The following WNK2 variants were observed in gnomAD, a reference collection of about 807,000 sequenced individuals.
WNK2 encodes the protein WNK lysine deficient protein kinase 2.
WNK2 carries 67 observed loss-of-function variants against 192.1 expected under a neutral mutation model. The ratio of observed to expected loss-of-function variants is 0.35; its 90% CI spans 0.29 to 0.43. WNK2 has a LOEUF of 0.43. Ranked by LOEUF, WNK2 falls within the 20% of genes least tolerant of loss-of-function variation. The probability of loss-of-function intolerance (pLI) is 1.00; values close to 1 mark genes in which losing one functional copy is unlikely to be tolerated. For missense variants in WNK2, 2,698 were observed against 3,089.7 expected (o/e 0.87, Z 3.01); for synonymous variants, 1,439 against 1,393.9 (o/e 1.03, Z -0.72).
chr9:93,285,159 TTTCC>T (rs1346481291), intron 19 of WNK2, among the ~76,000 whole-genome samples: 1 of 152,274 alleles, frequency 6.6e-6, no homozygotes, highest in Non-Finnish European at 1.5e-5. Flanking sequence ...ATAGCAGTTA[TTTCC>T]AAGGAATACA....
At chr9:93,265,807 C>G (rs1245728183) in intron 16 of WNK2, among the ~76,000 whole-genome samples, 1 of 152,236 alleles carries the variant, frequency 6.6e-6, no homozygotes, top group East Asian at 1.9e-4. Flanking sequence ...TGTGTCGTGT[C>G]CACTGGCCCC....
intron 8 of WNK2, among the ~76,000 whole-genome samples, chr9:93,250,760 G>A (rs1379130580): frequency 6.7e-6 from 1 of 149,446 alleles, no homozygotes. Flanking sequence ...ATGTTTAATT[G>A]TGTAATTAAT....
In WNK2 at chr9:93,211,240, AT is replaced by A; in HGVS notation, c.682-18454del. On this transcript the variant is annotated intron_variant, in intron 2 of 29. Transcript: ENST00000427277. ...CACTCATCCACTCACTCACTCACTCATTCACTCACTCACTCATTCACTCATT... is the reference window on the plus strand; with the variant it reads ...CACTCATCCACTCACTCACTCACTCATCACTCACTCACTCATTCACTCATT... 2.6e-5 allele frequency among the ~76,000 whole-genome samples: 2 copies of A among 76,894 alleles called. 1 individual carries two copies. Among genetic ancestry groups the A allele is most frequent in the East Asian group, 6.8e-4 (2 of 2,940 alleles). The allele number at this position is 76,894 out of a possible 152,430, so 50.4% of individuals were successfully genotyped here. A position where few individuals can be genotyped will look rare whatever the true frequency, so the allele number is the denominator to read the frequency against.
At position 93,185,247 on chromosome 9, in the gene WNK2, A is replaced by G. The variant is rs1011521381; in HGVS notation, c.318A>G (p.Gly106=). The change falls in exon 2 of 30, where the codon GGA becomes GGG. Residue 106 remains glycine, a synonymous_variant. Transcript: ENST00000427277. ...PAPAALVAQP[G]APGAPADAGP... is the part of the protein sequence containing the mutation. ...CCGCAGCGCTGGTAGCGCAGCCGGG[A>G]GCCCCCGGAGCCCCCGCGGACGCCG... 59 of 1,229,864 alleles carry G rather than the reference A, an allele frequency of 4.8e-5. No individual in the cohort carries two copies. The African/African-American group carries it at 7.3e-4, about 15-fold the overall frequency. The allele number at this position is 1,229,864 out of a possible 1,614,324, so 76.2% of individuals were successfully genotyped here. A position where few individuals can be genotyped will look rare whatever the true frequency, so the allele number is the denominator to read the frequency against.
chr9:93,266,735 G>C (rs575797588), intron 16 of WNK2, among the ~76,000 whole-genome samples: 1 of 152,342 alleles, frequency 6.6e-6, no homozygotes, highest in East Asian at 1.9e-4. Flanking sequence ...TGGGGTGCCA[G>C]GGGAGTGTGG....
chr9:93,243,197 G>A (rs1841074660), intron 7 of WNK2, among the ~76,000 whole-genome samples: 1 of 152,148 alleles, frequency 6.6e-6, no homozygotes, highest in Non-Finnish European at 1.5e-5. Context: ...CCCAGAACCT[G>A]CCCTGGGCCT....
intron 8 of WNK2, among the ~76,000 whole-genome samples, chr9:93,250,880 G>T (rs1842503175): frequency 6.7e-6 from 1 of 150,124 alleles, no homozygotes. Context: ...TGCCTCCCAG[G>T]TTCAAGTGAT....
chr9:93,226,037 AACGAGTCTGG>A (rs1411490606), intron 2 of WNK2, among the ~76,000 whole-genome samples: 2 of 152,188 alleles, frequency 1.3e-5, no homozygotes, highest in Admixed American at 1.3e-4. Context: ...CATGTCTGAA[AACGAGTCTGG>A]ACCGCCTGGC....
intron 29 of WNK2, 84 bp downstream of exon 29, chr9:93,317,715 TG>T (rs1854968749): frequency 7.9e-6 from 12 of 1,522,894 alleles, no homozygotes; most frequent in Non-Finnish European, 1.1e-5. Flanking sequence ...TCCAGTGTCC[TG>T]GGGGCCCTGG....
intron 2 of WNK2, among the ~76,000 whole-genome samples, chr9:93,210,362 A>G (rs60960429): frequency 0.062 from 9,387 of 151,960 alleles, 911 homozygotes; most frequent in African/African-American, 0.21. Context: ...GATGACTAGG[A>G]GCGCTGGCCA....
intron 2 of WNK2, among the ~76,000 whole-genome samples, chr9:93,218,163 C>G (rs1048497164): frequency 1.3e-5 from 2 of 152,100 alleles, no homozygotes; most frequent in African/African-American, 2.4e-5. Flanking sequence ...GCAGGAAGAC[C>G]CCAGTAGCTT....
rs1234967567 is a variant in WNK2, at chr9:93,292,609, C to T, written c.5144C>T (p.Ala1715Val). 6.3e-7 allele frequency: 1 copy of T among 1,579,978 alleles called. No homozygotes were observed. Among genetic ancestry groups the T allele is most frequent in the Non-Finnish European group, 8.6e-7 (1 of 1,161,892 alleles). The change falls in exon 23 of 30, where the codon GCT becomes GTT. Residue 1715 changes from alanine to valine, a missense_variant. Ala to Val is a moderately conservative substitution (Grantham distance 64). This residue lies in a region of WNK2 where 1,098 missense variants were observed against 1,101.0 expected (regional missense o/e 1.00). Transcript: ENST00000427277. The stretch of plus-strand genomic sequence containing the variant: ...GACATGGGCACAGTGGGGGGCCAGG[C>T]TAGCCACCCCCAGACACTCGGCGCT... ...PSDMGTVGGQ[A>V]SHPQTLGARA...
At position 93,320,468 on chromosome 9, in the gene WNK2, C is replaced by T. The variant is rs1855314423; in HGVS notation, c.*76C>T. The T allele has an allele frequency of 1.5e-6, 2 of 1,343,732 alleles. No individual in the cohort carries two copies. Among genetic ancestry groups the T allele is most frequent in the Admixed American group, 3.8e-5 (2 of 52,376 alleles). The allele number at this position is 1,343,732 out of a possible 1,614,324, so 83.2% of individuals were successfully genotyped here. A position where few individuals can be genotyped will look rare whatever the true frequency, so the allele number is the denominator to read the frequency against. ...GGACCCTCAGGGCCAGCTGCTCCTC[C>T]TGTCCAGTTCACGCTGTTTTGTAAC... On this transcript the variant is annotated 3_prime_UTR_variant, in exon 30 of 30. Coordinates refer to ENST00000427277, the MANE Select transcript of WNK2 (RefSeq NM_006648.4).
intron 2 of WNK2, among the ~76,000 whole-genome samples, chr9:93,189,271 G>A (rs966857708): frequency 5.3e-5 from 8 of 152,180 alleles, no homozygotes; most frequent in African/African-American, 1.7e-4. Flanking sequence ...CTGAGCTGCT[G>A]TGGCAGGGCT....
rs533078974 is a variant in WNK2, at chr9:93,263,376, T to C, written c.3411-190T>C. ...TGTGCTTCCTTCTGCCCGTGCCACT[T>C]GGGTGCAGCAGGGAGCTGGGTGAGG... is the stretch of plus-strand genomic sequence containing the variant. On this transcript the variant is annotated intron_variant, in intron 14 of 29. Transcript: ENST00000427277. 23 of 667,138 alleles carry C rather than the reference T, an allele frequency of 3.4e-5. No individual in the cohort carries two copies. In the East Asian group the frequency reaches 5.0e-4, roughly 14 times the overall value. 41.3% of individuals were successfully genotyped at this position (667,138 alleles called of 1,614,324 possible).
In WNK2 at chr9:93,185,204, G is replaced by C. The variant is rs1428849226; in HGVS notation, c.275G>C (p.Arg92Pro). The C allele has an allele frequency of 5.2e-6, 6 of 1,157,858 alleles. No individual in the cohort carries two copies. The highest frequency in any genetic ancestry group is 3.3e-5 in the African/African-American group (2 of 61,078). The allele number at this position is 1,157,858 out of a possible 1,614,324, so 71.7% of individuals were successfully genotyped here. ...RRLIAERARGRPAAPAPAALV... is the reference protein window; with the variant it reads ...RRLIAERARGPPAAPAPAALV... Reference sequence around the variant, plus strand: ...CTCATCGCGGAGCGCGCCCGCGGACGCCCCGCCGCCCCCGCGCCCGCAGCG... The same window carrying C: ...CTCATCGCGGAGCGCGCCCGCGGACCCCCCGCCGCCCCCGCGCCCGCAGCG... The change falls in exon 2 of 30, where the codon CGC becomes CCC. Residue 92 changes from arginine to proline, a missense_variant. By Grantham distance (103) the Arg-to-Pro change is moderately radical. Around this residue, in one of 7 missense-constraint regions of WNK2, gnomAD observed 260 missense variants for 285.6 expected, o/e 0.91. Transcript: ENST00000427277.
chr9:93,237,201 A>G (rs1839966758), intron 5 of WNK2, among the ~76,000 whole-genome samples: 2 of 152,328 alleles, frequency 1.3e-5, no homozygotes, highest in South Asian at 2.1e-4. Flanking sequence ...CGCTTCATCT[A>G]TGGGCTTAGA....
At chr9:93,299,567 C>T (rs974886621) in intron 25 of WNK2, among the ~76,000 whole-genome samples, 6 of 152,272 alleles carry the variant, frequency 3.9e-5, no homozygotes, top group South Asian at 2.1e-4. Flanking sequence ...CTGTGTGCTC[C>T]GGCGCCAGTT....
chr9:93,299,108 G>C lies in WNK2; in HGVS notation c.5962G>C (p.Asp1988His). The C allele has an allele frequency of 6.2e-7, 1 of 1,611,540 alleles. No homozygotes were observed. Among genetic ancestry groups the C allele is most frequent in the Non-Finnish European group, 8.5e-7 (1 of 1,179,648 alleles). Residue 1988 changes from aspartate to histidine, a missense_variant, in exon 25 of 30, where the codon GAC becomes CAC. Physicochemically the swap from Asp to His is moderately conservative, Grantham distance 81. Transcript: ENST00000427277. ...ADSSRGPPAK[D>H]PAQASVGLTA... ...CTCCAGCAGAGGCCCTCCCGCTAAG[G>C]ACCCTGCCCAAGCCAGTGTGGGGCT...
Sources: allele counts gnomAD v4.1 joint callset (sites outside exome capture counted in the v4.1 genomes callset), GRCh38; gene constraint gnomAD v4.1.1; regional missense constraint gnomAD v4.1.1; transcripts MANE v1.5; gene names NCBI Gene and HGNC (gene_info 2026-07-23, HGNC 2026-07-21).